Variants in EPB41L5 observed in about 807,000 individuals in gnomAD.
EPB41L5 encodes the protein erythrocyte membrane protein band 4.1 like 5.
EPB41L5 carries 55 observed loss-of-function variants against 106.6 expected under a neutral mutation model. The ratio of observed to expected loss-of-function variants is 0.52; its 90% CI spans 0.42 to 0.65. The LOEUF is 0.65. EPB41L5 is among the 30% of genes least tolerant of loss of function. EPB41L5 has a pLI of 0.00. For missense variants in EPB41L5, 871 were observed against 882.1 expected, an observed-to-expected ratio of 0.99 and a Z score of 0.16; for synonymous variants, 297 against 306.7, an observed-to-expected ratio of 0.97 and a Z score of 0.33.
At chr2:120,090,597 T>C in intron 12 of EPB41L5, 81 bp downstream of exon 12, 1 of 1,238,658 alleles carries the variant, frequency 8.1e-7, no homozygotes, top group Non-Finnish European at 1.1e-6. Flanking sequence ...TTTTTACAGA[T>C]ATGGTAACTA....
chr2:120,125,021 T>C (rs10048723), intron 16 of EPB41L5, among the ~76,000 whole-genome samples: 133 of 152,370 alleles, frequency 8.7e-4, no homozygotes, highest in African/African-American at 3.1e-3. Context: ...TTTTACTCTG[T>C]AGTTTTAGCA....
At chr2:120,106,409 G>A (rs1167588389) in intron 16 of EPB41L5, 16 of 985,070 alleles carry the variant, frequency 1.6e-5, no homozygotes, top group Non-Finnish European at 1.9e-5. Flanking sequence ...GTTGTTTCCA[G>A]AGCTCTCAGG....
At chr2:120,074,300 T>C in intron 5 of EPB41L5, 122 bp downstream of exon 5, 1 of 643,054 alleles carries the variant, frequency 1.6e-6, no homozygotes. Context: ...TAACAAGACC[T>C]CAAATAATAG....
intron 3 of EPB41L5, among the ~76,000 whole-genome samples, chr2:120,059,683 A>G (rs1680894890): frequency 1.3e-5 from 2 of 152,134 alleles, no homozygotes; most frequent in African/African-American, 4.8e-5. Flanking sequence ...CAAGAGGATC[A>G]CTTGAGCTCA....
At position 120,159,539 on chromosome 2, in the gene EPB41L5, A is replaced by G. The variant is rs569315360; in HGVS notation, c.1794-1342A>G. ...AACTACTGATAACATTCTTCACCGA[A>G]CTAGAAGAAACTATTTAAAAATTCA... On this transcript the variant is annotated intron_variant, in intron 20 of 24. Coordinates refer to ENST00000263713, the MANE Select transcript of EPB41L5 (RefSeq NM_020909.4). Among the ~76,000 whole-genome samples the G allele has an allele frequency of 2.6e-5, 4 of 152,284 alleles. No homozygotes were observed. The South Asian group carries it at 8.3e-4, about 32-fold the overall frequency.
intron 16 of EPB41L5, among the ~76,000 whole-genome samples, chr2:120,120,543 TTAATTC>T (rs1167020272): frequency 1.3e-5 from 2 of 151,986 alleles, no homozygotes; most frequent in African/African-American, 4.8e-5. Flanking sequence ...CTAGGATTGT[TTAATTC>T]TAATCACAAT....
At chr2:120,169,476 A>AAAAAAATCACTTGGATT (rs1687571263) in intron 24 of EPB41L5, among the ~76,000 whole-genome samples, 1 of 152,320 alleles carries the variant, frequency 6.6e-6, no homozygotes, top group Admixed American at 6.5e-5. Context: ...GTCTTACAGG[A>AAAAAAATCACTTGGATT]AAAAAATCAC....
Position 120,175,017 on chromosome 2 carries a change from G to C in EPB41L5, c.*110G>C, listed in dbSNP as rs1687873414. The C allele has an allele frequency of 9.1e-7, 1 of 1,099,270 alleles. No individual in the cohort carries two copies. The highest frequency in any genetic ancestry group is 1.4e-6 in the Non-Finnish European group (1 of 717,768). 68.1% of individuals were successfully genotyped at this position (1,099,270 alleles called of 1,614,324 possible). On this transcript the variant is annotated 3_prime_UTR_variant, in exon 25 of 25. Coordinates refer to ENST00000263713, the MANE Select transcript of EPB41L5 (RefSeq NM_020909.4). ...CCATTATTTGTAGGTAAAAAAAGCTGCACGTAGATTTGACTTCAACTCCGT... is the reference window on the plus strand; with the variant it reads ...CCATTATTTGTAGGTAAAAAAAGCTCCACGTAGATTTGACTTCAACTCCGT...
At chr2:120,138,173 A>G (rs1434250915) in intron 18 of EPB41L5, among the ~76,000 whole-genome samples, 1 of 151,890 alleles carries the variant, frequency 6.6e-6, no homozygotes, top group Non-Finnish European at 1.5e-5. Flanking sequence ...GTGATTAAGA[A>G]AAAAAAACTA....
chr2:120,056,587 C>T (rs1014903079), intron 3 of EPB41L5, among the ~76,000 whole-genome samples: 1 of 152,022 alleles, frequency 6.6e-6, no homozygotes, highest in Non-Finnish European at 1.5e-5. Context: ...GTGTGAGCCA[C>T]CACACCTGAC....
Position 120,042,164 on chromosome 2 carries a change from C to T in EPB41L5, c.285+54C>T, listed in dbSNP as rs1242469611. ...CATAAGGAGAAGAAACAGGAAATTT[C>T]AGATGATATACTAATTGCTATAAGG... On this transcript the variant is annotated intron_variant, in intron 3 of 24. Transcript: ENST00000263713. 2.2e-6 allele frequency: 3 copies of T among 1,336,982 alleles called. No homozygotes were observed. The Admixed American group carries it at 5.1e-5, about 23-fold the overall frequency. 82.8% of individuals were successfully genotyped at this position (1,336,982 alleles called of 1,614,324 possible). A position where few individuals can be genotyped will look rare whatever the true frequency, so the allele number is the denominator to read the frequency against.
intron 2 of EPB41L5, among the ~76,000 whole-genome samples, chr2:120,028,198 A>G (rs1678471306): frequency 1.3e-5 from 2 of 151,158 alleles, no homozygotes; most frequent in Non-Finnish European, 2.9e-5. Context: ...GAATGCATTG[A>G]TTTTTGTGTA....
chr2:120,172,749 A>G (rs1045443641), intron 24 of EPB41L5, among the ~76,000 whole-genome samples: 11 of 152,148 alleles, frequency 7.2e-5, no homozygotes, highest in African/African-American at 2.7e-4. Context: ...GAGAAAGGTG[A>G]AGGGAGGTTC....
chr2:120,079,043 A>G (rs1172148713), intron 10 of EPB41L5, among the ~76,000 whole-genome samples: 1 of 152,112 alleles, frequency 6.6e-6, no homozygotes. Context: ...TTACTTTTAC[A>G]TCAAGGATAG....
intron 18 of EPB41L5, among the ~76,000 whole-genome samples, chr2:120,135,654 C>CT (rs1314524056): frequency 6.6e-6 from 1 of 152,136 alleles, no homozygotes; most frequent in African/African-American, 2.4e-5. Flanking sequence ...TCGAAGCAGA[C>CT]TTTTCAGCAG....
intron 17 of EPB41L5, 113 bp from the exon 18 acceptor site, chr2:120,131,505 T>C: frequency 3.0e-6 from 2 of 665,500 alleles, no homozygotes; most frequent in Non-Finnish European, 5.4e-6. Flanking sequence ...GGATTATTAC[T>C]TTTAGTTGAT....
rs1163464696 is a variant in EPB41L5 at position 120,175,450 on chromosome 2, A to G, written c.*543A>G. ...TTTTTTTTACAATTATTACAACACT[A>G]AAGAGAAGTTTAGAATATAGAGAGT... On this transcript the variant is annotated 3_prime_UTR_variant, in exon 25 of 25. Coordinates refer to ENST00000263713, the MANE Select transcript of EPB41L5 (RefSeq NM_020909.4). The G allele has an allele frequency of 3.3e-5, 5 of 153,196 alleles. No individual in the cohort carries two copies. In the South Asian group the frequency reaches 8.1e-4, roughly 25 times the overall value. 9.5% of individuals were successfully genotyped at this position (153,196 alleles called of 1,614,324 possible). A position where few individuals can be genotyped will look rare whatever the true frequency, so the allele number is the denominator to read the frequency against.
At chr2:120,164,170 G>A (rs1466841760) in intron 21 of EPB41L5, among the ~76,000 whole-genome samples, 1 of 151,522 alleles carries the variant, frequency 6.6e-6, no homozygotes, top group African/African-American at 2.4e-5. Flanking sequence ...TTTTAGTAGA[G>A]ACGGAGTTTC....
intron 18 of EPB41L5, among the ~76,000 whole-genome samples, chr2:120,141,622 T>C (rs753359430): frequency 1.3e-5 from 2 of 152,142 alleles, no homozygotes; most frequent in African/African-American, 4.8e-5. Context: ...CATTTCTGGA[T>C]AGCACTCTAA....
Sources: gnomAD v4.1 joint callset for allele counts (sites outside exome capture counted in the v4.1 genomes callset) on GRCh38, gnomAD v4.1.1 for gene constraint, MANE v1.5 for transcripts, NCBI Gene and HGNC (gene_info 2026-07-23, HGNC 2026-07-21) for gene names.